KCTD16: variants seen among roughly 807,000 people sequenced by gnomAD.
KCTD16 encodes BTB/POZ domain-containing protein KCTD16.
Under a neutral mutation model 33.2 loss-of-function variants are expected in KCTD16, and 13 were observed. That is an observed-to-expected ratio of 0.39 (90% confidence interval 0.25 to 0.62). The LOEUF (loss-of-function observed/expected upper bound fraction) is 0.62. Among genes scored for constraint, KCTD16 ranks in the 20% least tolerant of loss-of-function variants. The probability of loss-of-function intolerance (pLI) is 0.50; values close to 1 mark genes in which losing one functional copy is unlikely to be tolerated. For synonymous variants in KCTD16, 197 were observed against 195.3 expected (o/e 1.01, Z -0.07); for missense variants, 441 against 525.1 (o/e 0.84, Z 1.57).
chr5:144,480,305 G>C lies in KCTD16; in HGVS notation c.*6191G>C, dbSNP rs1246511480. Reference sequence around the variant, plus strand: ...TTCAGCACAATAGTTTGTCTCTACTGTGGATGTCAGTCCTTGAGAATGTTA... The same window carrying C: ...TTCAGCACAATAGTTTGTCTCTACTCTGGATGTCAGTCCTTGAGAATGTTA... On this transcript the variant is annotated 3_prime_UTR_variant, in exon 4 of 4. Transcript: ENST00000512467. 3 of 148,332 alleles carry C rather than the reference G, an allele frequency of 2.0e-5. No individual in the cohort carries two copies. Among genetic ancestry groups the C allele is most frequent in the African/African-American group, 7.5e-5 (3 of 39,930 alleles). The allele number at this position is 148,332 out of a possible 1,614,324, so 9.2% of individuals were successfully genotyped here.
At chr5:144,316,318 G>A (rs948776348) in intron 3 of KCTD16, among the ~76,000 whole-genome samples, 4 of 152,054 alleles carry the variant, frequency 2.6e-5, no homozygotes, top group Non-Finnish European at 5.9e-5. Flanking sequence ...AGTCAAAATC[G>A]GTGAAGAGAA....
At chr5:144,467,498 A>C (rs1396503073) in intron 3 of KCTD16, among the ~76,000 whole-genome samples, 2 of 152,186 alleles carry the variant, frequency 1.3e-5, no homozygotes, top group Admixed American at 6.6e-5. Flanking sequence ...CATCCCTTGC[A>C]GTCTAGTGTG....
chr5:144,385,312 A>C (rs1385351037), intron 3 of KCTD16: 2 of 152,216 alleles, frequency 1.3e-5, no homozygotes, highest in East Asian at 3.9e-4. Flanking sequence ...CAAATCATTG[A>C]TAATAAAAAT....
At chr5:144,374,312 G>A (rs1056913742) in intron 3 of KCTD16, among the ~76,000 whole-genome samples, 3 of 152,112 alleles carry the variant, frequency 2.0e-5, no homozygotes, top group Non-Finnish European at 4.4e-5. Context: ...GAGATGACAA[G>A]GAATGATGTT....
At chr5:144,256,097 A>T (rs1342913454) in intron 3 of KCTD16, among the ~76,000 whole-genome samples, 1 of 152,114 alleles carries the variant, frequency 6.6e-6, no homozygotes, top group Non-Finnish European at 1.5e-5. Flanking sequence ...TGAGATTATG[A>T]CTGTTACGTT....
intron 3 of KCTD16, among the ~76,000 whole-genome samples, chr5:144,340,978 GA>G (rs1369963453): frequency 6.6e-6 from 1 of 152,068 alleles, no homozygotes; most frequent in Non-Finnish European, 1.5e-5. Context: ...CCAGGAGGTA[GA>G]GGTTGCAGTG....
intron 3 of KCTD16, among the ~76,000 whole-genome samples, chr5:144,379,334 T>C (rs1752160244): frequency 2.6e-5 from 4 of 152,152 alleles, no homozygotes; most frequent in African/African-American, 9.6e-5. Context: ...GATTAGTAAA[T>C]AGATATTTCA....
chr5:144,347,944 T>G (rs778716840), intron 3 of KCTD16, among the ~76,000 whole-genome samples: 72 of 152,310 alleles, frequency 4.7e-4, no homozygotes, highest in Admixed American at 2.9e-3. Context: ...CATGTCCTAG[T>G]GCCTCCAGCC....
chr5:144,264,431 A>G (rs890329881), intron 3 of KCTD16, among the ~76,000 whole-genome samples: 1 of 152,174 alleles, frequency 6.6e-6, no homozygotes, highest in Non-Finnish European at 1.5e-5. Flanking sequence ...AAAATACATA[A>G]AAGGGTTGTG....
intron 3 of KCTD16, among the ~76,000 whole-genome samples, chr5:144,280,128 T>A (rs1755558327): frequency 6.6e-6 from 1 of 152,186 alleles, no homozygotes; most frequent in Non-Finnish European, 1.5e-5. Context: ...GTAGTTTTTA[T>A]TTCTTATAAT....
intron 3 of KCTD16, among the ~76,000 whole-genome samples, chr5:144,458,075 A>T (rs1030483744): frequency 3.3e-5 from 5 of 152,212 alleles, no homozygotes; most frequent in Non-Finnish European, 7.3e-5. Context: ...AAAATCCTTA[A>T]GAAACTGGAA....
At chr5:144,352,145 T>C (rs1026413852) in intron 3 of KCTD16, among the ~76,000 whole-genome samples, 1 of 152,250 alleles carries the variant, frequency 6.6e-6, no homozygotes, top group Non-Finnish European at 1.5e-5. Context: ...CACTATATGC[T>C]ATTTTTATTT....
chr5:144,387,144 T>TAA (rs1752342644), intron 3 of KCTD16, among the ~76,000 whole-genome samples: 2 of 146,850 alleles, frequency 1.4e-5, no homozygotes, highest in African/African-American at 5.0e-5. Flanking sequence ...TTTAATTTTT[T>TAA]TTTTTTTTTT....
intron 3 of KCTD16, among the ~76,000 whole-genome samples, chr5:144,379,135 G>T (rs1347790781): frequency 6.6e-6 from 1 of 152,164 alleles, no homozygotes; most frequent in African/African-American, 2.4e-5. Flanking sequence ...TTTGAGGCAG[G>T]TATATGCCTT....
At chr5:144,258,154 A>G (rs1279353409) in intron 3 of KCTD16, among the ~76,000 whole-genome samples, 3 of 152,214 alleles carry the variant, frequency 2.0e-5, no homozygotes, top group Non-Finnish European at 2.9e-5. Flanking sequence ...TATCAAGACT[A>G]TCATAGCAAA....
At chr5:144,430,230 C>A (rs1753428604) in intron 3 of KCTD16, among the ~76,000 whole-genome samples, 2 of 152,030 alleles carry the variant, frequency 1.3e-5, no homozygotes, top group East Asian at 1.9e-4. Context: ...CAATGAGTTT[C>A]ATTTTATATT....
At chr5:144,308,594 C>G (rs894010920) in intron 3 of KCTD16, among the ~76,000 whole-genome samples, 1 of 152,138 alleles carries the variant, frequency 6.6e-6, no homozygotes, top group African/African-American at 2.4e-5. Flanking sequence ...GCTGGTTTGA[C>G]TGACAGTGCC....
chr5:144,253,458 G>T (rs1319248228), intron 3 of KCTD16, among the ~76,000 whole-genome samples: 1 of 152,194 alleles, frequency 6.6e-6, no homozygotes, highest in East Asian at 1.9e-4. Context: ...TACTAGCACA[G>T]AGCAGATGCT....
intron 3 of KCTD16, among the ~76,000 whole-genome samples, chr5:144,366,633 G>A (rs1751841611): frequency 6.6e-6 from 1 of 152,138 alleles, no homozygotes; most frequent in Non-Finnish European, 1.5e-5. Context: ...GAGCCCTGAG[G>A]TGGTCTTTTA....
Sources: allele counts gnomAD v4.1 joint callset (sites outside exome capture counted in the v4.1 genomes callset), GRCh38; gene constraint gnomAD v4.1.1; transcripts MANE v1.5; gene names NCBI Gene and HGNC (gene_info 2026-07-23, HGNC 2026-07-21).